WDR27: variants seen among roughly 807,000 people sequenced by gnomAD.
WDR27 encodes the protein WD repeat-containing protein 27.
In WDR27, 100 loss-of-function variants were observed where a neutral mutation model predicts 114.4. The observed-to-expected ratio is 0.87, with a 90% CI of 0.74 to 1.03. The LOEUF (loss-of-function observed/expected upper bound fraction) is 1.03, where lower values mean the gene tolerates loss of function less well. WDR27 is among the 50% of genes least tolerant of loss of function. The pLI, the probability that WDR27 is intolerant of heterozygous loss-of-function variation, is 0.00. For missense variants in WDR27, 1,129 were observed against 1,092.9 expected (o/e 1.03, Z -0.47); for synonymous variants, 449 against 423.1 (o/e 1.06, Z -0.75).
chr6:169,682,059 A>G (rs1781662839), intron 2 of WDR27, among the ~76,000 whole-genome samples: 1 of 152,106 alleles, frequency 6.6e-6, no homozygotes, highest in South Asian at 2.1e-4. Context: ...AATCAATGTG[A>G]CCAGGCTCTC....
chr6:169,664,027 G>A (rs1827094561), intron 8 of WDR27, 139 bp downstream of exon 8: 4 of 788,900 alleles, frequency 5.1e-6, no homozygotes, highest in Non-Finnish European at 7.7e-6. Flanking sequence ...GGGCCTCAGT[G>A]GTTTTCTGAG....
chr6:169,428,025 T>G, the WDR27 span, among the ~76,000 whole-genome samples: 1 of 152,146 alleles, frequency 6.6e-6, no homozygotes, highest in South Asian at 2.1e-4. Context: ...GTCGACATTT[T>G]CTGAAATGCC....
intron 22 of WDR27, among the ~76,000 whole-genome samples, chr6:169,610,957 G>T (rs1276223025): frequency 6.6e-6 from 1 of 152,118 alleles, no homozygotes; most frequent in Non-Finnish European, 1.5e-5. Flanking sequence ...TATAGACTCA[G>T]GTGGCAGGTG....
intron 25 of WDR27, among the ~76,000 whole-genome samples, chr6:169,482,715 T>G (rs187647067): frequency 6.6e-6 from 1 of 152,272 alleles, no homozygotes; most frequent in East Asian, 1.9e-4. Context: ...CTCACCATCC[T>G]AAAAAGACAG....
At chr6:169,499,930 G>C (rs1158447653) in intron 25 of WDR27, among the ~76,000 whole-genome samples, 1 of 152,266 alleles carries the variant, frequency 6.6e-6, no homozygotes, top group Admixed American at 6.5e-5. Context: ...ATTGGTAAAG[G>C]GCTGAAGTCT....
In WDR27 at chr6:169,688,884, T is replaced by G. The variant is rs759680723; in HGVS notation, c.122A>C (p.Gln41Pro). ...TCCATCCAAAGGGAAAGCACAGTCC[T>G]GCATGCTGCAAGCAAGCTGAACATG... ...VSHVQLACSM[Q>P]DCAFPLDGTE... is the part of the protein sequence containing the mutation. Residue 41 changes from glutamine to proline, a missense_variant, in exon 2 of 26, where the codon CAG becomes CCG. Physicochemically the swap from Gln to Pro is moderately conservative, Grantham distance 76 (BLOSUM62 -1). Transcript: ENST00000448612. 1 of 1,613,852 alleles carries G rather than the reference T, an allele frequency of 6.2e-7. No individual in the cohort carries two copies. Among genetic ancestry groups the G allele is most frequent in the Non-Finnish European group, 8.5e-7 (1 of 1,179,884 alleles).
intron 25 of WDR27, among the ~76,000 whole-genome samples, chr6:169,519,508 CAA>C (rs1338152927): frequency 2.6e-5 from 4 of 151,944 alleles, no homozygotes; most frequent in African/African-American, 9.7e-5. Flanking sequence ...AGAACAGGTA[CAA>C]GAGAGAATGG....
chr6:169,583,901 G>A (rs1174900145), intron 23 of WDR27, among the ~76,000 whole-genome samples: 1 of 152,012 alleles, frequency 6.6e-6, no homozygotes, highest in African/African-American at 2.4e-5. Flanking sequence ...ATCTCACATC[G>A]CTACTTGTAT....
chr6:169,688,861 C>T lies in WDR27; in HGVS notation c.145G>A (p.Gly49Arg). 1 of 1,612,930 alleles carries T rather than the reference C, an allele frequency of 6.2e-7. No individual in the cohort carries two copies. Among genetic ancestry groups the T allele is most frequent in the Non-Finnish European group, 8.5e-7 (1 of 1,179,562 alleles). The change falls in exon 2 of 26, where the codon GGA becomes AGA. Residue 49 changes from glycine to arginine, a missense_variant. Gly to Arg is a moderately radical substitution (Grantham distance 125, BLOSUM62 -2). Transcript: ENST00000448612. Reference sequence around the variant, plus strand: ...GTGTTCCATATACAAAGTTCAGTTCCATCCAAAGGGAAAGCACAGTCCTGC... The same window carrying T: ...GTGTTCCATATACAAAGTTCAGTTCTATCCAAAGGGAAAGCACAGTCCTGC... ...SMQDCAFPLD[G>R]TELCIWNTKD... is the part of the protein sequence containing the mutation.
chr6:169,605,108 C>CAAAAAA lies in WDR27; in HGVS notation c.2322-2793_2322-2788dup, dbSNP rs59884264. On this transcript the variant is annotated intron_variant, in intron 22 of 25. Transcript: ENST00000448612. ...AGAAGTCCTAGCCAGAGCAATTAGGCAAAAAAAAAAAAAAAAGTTTTTTTT... is the reference window on the plus strand; with the variant it reads ...AGAAGTCCTAGCCAGAGCAATTAGGCAAAAAAAAAAAAAAAAAAAAAAGTTTTTTTT... Among the ~76,000 whole-genome samples the CAAAAAA allele has an allele frequency of 1.4e-3, 105 of 76,200 alleles. 7 individuals carry two copies. Among genetic ancestry groups the CAAAAAA allele is most frequent in the Middle Eastern group, 8.5e-3 (1 of 118 alleles). The allele number at this position is 76,200 out of a possible 152,430, so 50.0% of individuals were successfully genotyped here.
intron 24 of WDR27, among the ~76,000 whole-genome samples, chr6:169,576,720 T>C (rs1027358878): frequency 2.0e-5 from 3 of 151,200 alleles, no homozygotes; most frequent in African/African-American, 7.3e-5. Context: ...TGAGCTGTGA[T>C]TGCATCACTG....
At chr6:169,655,161 C>T (rs779466049) in intron 13 of WDR27, among the ~76,000 whole-genome samples, 22 of 152,352 alleles carry the variant, frequency 1.4e-4, no homozygotes, top group Admixed American at 9.8e-4. Flanking sequence ...CTATTCTTGT[C>T]TCACACTGGG....
At chr6:169,478,456 C>T (rs1253909460) in intron 25 of WDR27, among the ~76,000 whole-genome samples, 1 of 151,902 alleles carries the variant, frequency 6.6e-6, no homozygotes, top group Non-Finnish European at 1.5e-5. Context: ...GTTGCTTGTA[C>T]CTCAGGTTAA....
chr6:169,486,937 A>G (rs1789002293), intron 25 of WDR27, among the ~76,000 whole-genome samples: 1 of 152,210 alleles, frequency 6.6e-6, no homozygotes, highest in African/African-American at 2.4e-5. Context: ...TTTCTCTACA[A>G]TCCAAATTCT....
the WDR27 span, among the ~76,000 whole-genome samples, chr6:169,447,781 AG>A: frequency 6.6e-6 from 1 of 152,226 alleles, no homozygotes; most frequent in Non-Finnish European, 1.5e-5. Flanking sequence ...TTTTCTTCCA[AG>A]AATGTCTCTT....
At chr6:169,441,114 A>G in the WDR27 span, among the ~76,000 whole-genome samples, 1 of 152,202 alleles carries the variant, frequency 6.6e-6, no homozygotes, top group African/African-American at 2.4e-5. Flanking sequence ...TAAGAGACTA[A>G]TAAGGTAGAA....
At chr6:169,685,887 C>A (rs1192969189) in intron 2 of WDR27, among the ~76,000 whole-genome samples, 1 of 152,062 alleles carries the variant, frequency 6.6e-6, no homozygotes, top group African/African-American at 2.4e-5. Flanking sequence ...CAAATAGGTC[C>A]TTTTAGAGGT....
At chr6:169,509,983 T>C (rs1293517186) in intron 25 of WDR27, among the ~76,000 whole-genome samples, 4 of 152,148 alleles carry the variant, frequency 2.6e-5, no homozygotes, top group South Asian at 2.1e-4. Context: ...TATGAACAGA[T>C]ACTTTTCAAA....
At chr6:169,647,899 C>T (rs777591635) in intron 15 of WDR27, 29 bp from the exon 16 acceptor site, 40 of 1,465,298 alleles carry the variant, frequency 2.7e-5, no homozygotes, top group African/African-American at 8.6e-5. Context: ...TAACGGTGAT[C>T]GGGAGACATT....
Sources: gnomAD v4.1 joint callset for allele counts (sites outside exome capture counted in the v4.1 genomes callset) on GRCh38, gnomAD v4.1.1 for gene constraint, MANE v1.5 for transcripts, NCBI Gene and HGNC (gene_info 2026-07-23, HGNC 2026-07-21) for gene names.